YBEY: variants seen among roughly 807,000 people sequenced by gnomAD.
YBEY encodes the protein endoribonuclease YbeY.
YBEY carries 15 observed loss-of-function variants against 13.5 expected under a neutral mutation model. That is an observed-to-expected ratio of 1.11 (90% CI 0.75 to 1.72). YBEY has a LOEUF of 1.72. Ranked by LOEUF, YBEY falls within the 40% of genes most tolerant of loss-of-function variation. YBEY has a pLI of 0.00. For synonymous variants in YBEY, 101 were observed against 83.1 expected, an observed-to-expected ratio of 1.21 and a Z score of -1.17; for missense variants, 244 against 208.4, an observed-to-expected ratio of 1.17 and a Z score of -1.05.
At chr21:46,287,196 T>G in intron 2 of YBEY, 73 bp downstream of exon 2, 1 of 1,426,704 alleles carries the variant, frequency 7.0e-7, no homozygotes, top group Non-Finnish European at 9.4e-7. Context: ...TTGTTTTGTT[T>G]TGTTTTGTTT....
downstream of YBEY, among the ~76,000 whole-genome samples, chr21:46,302,739 C>T (rs377655709): frequency 6.8e-5 from 10 of 147,026 alleles, no homozygotes; most frequent in East Asian, 1.8e-3. Context: ...CCCCGGGGCG[C>T]GCCCTGAGCC....
chr21:46,311,379 G>A, the YBEY span: 10 of 818,478 alleles, frequency 1.2e-5, no homozygotes, highest in Admixed American at 2.6e-4. Context: ...CTAAGTGACT[G>A]TCCTGCTTCC....
chr21:46,302,938 G>A, the YBEY span, among the ~76,000 whole-genome samples: 3 of 147,394 alleles, frequency 2.0e-5, no homozygotes, highest in Non-Finnish European at 4.5e-5. Flanking sequence ...GCGGGTCCCC[G>A]GGGCGCGCCC....
chr21:46,291,812 C>A (rs1287374954), intron 3 of YBEY: 2 of 1,077,700 alleles, frequency 1.9e-6, no homozygotes, highest in Non-Finnish European at 2.3e-6. Context: ...CCACCACCTT[C>A]CAGATCTGTT....
downstream of YBEY, chr21:46,302,221 T>TAG: frequency 7.0e-7 from 1 of 1,431,976 alleles, no homozygotes; most frequent in Non-Finnish European, 9.1e-7. Context: ...TCCCGCCCTG[T>TAG]TCCTAACTGG....
intron 3 of YBEY, chr21:46,291,670 G>C: frequency 1.5e-6 from 2 of 1,345,730 alleles, no homozygotes; most frequent in Non-Finnish European, 1.9e-6. Context: ...AGAACACGCT[G>C]TGAAAACACA....
chr21:46,292,407 A>G (rs2081754130), intron 3 of YBEY, among the ~76,000 whole-genome samples: 2 of 152,216 alleles, frequency 1.3e-5, no homozygotes, highest in South Asian at 4.1e-4. Flanking sequence ...GCCCTTCACA[A>G]GCTTCACAGA....
At chr21:46,301,021 C>T (rs1358921884), downstream of YBEY, 17 of 988,530 alleles carry the variant, frequency 1.7e-5, no homozygotes, top group Non-Finnish European at 2.0e-5. Flanking sequence ...CTTTGCTTTA[C>T]AGGAACAAGA....
chr21:46,286,708 A>G, intron 1 of YBEY, 162 bp from the exon 2 acceptor site: 1 of 531,070 alleles, frequency 1.9e-6, no homozygotes, highest in Non-Finnish European at 3.3e-6. Flanking sequence ...GCATCCTTCC[A>G]TAGACCCTCG....
downstream of YBEY, chr21:46,302,142 C>T: frequency 6.7e-6 from 10 of 1,497,760 alleles, no homozygotes; most frequent in Non-Finnish European, 8.0e-6. Flanking sequence ...CTCGGGGGCA[C>T]ATGTGGCGGG....
At chr21:46,296,088 G>A in intron 3 of YBEY, 74 bp from the exon 4 acceptor site, 1 of 1,550,650 alleles carries the variant, frequency 6.4e-7, no homozygotes, top group East Asian at 2.2e-5. Context: ...AGCAGCCTGT[G>A]GCCCTGGGGT....
At chr21:46,287,218 C>T (rs796232218) in intron 2 of YBEY, 95 bp downstream of exon 2, 54 of 1,230,144 alleles carry the variant, frequency 4.4e-5, no homozygotes, top group African/African-American at 4.1e-4. Context: ...TTAATTGAGA[C>T]GGAGTCTTGC....
chr21:46,303,830 C>T, the YBEY span, among the ~76,000 whole-genome samples: 1 of 140,842 alleles, frequency 7.1e-6, no homozygotes, highest in Non-Finnish European at 1.5e-5. Context: ...CGACTCACTG[C>T]AAGCTCCGCC....
chr21:46,296,335 C>T (rs983289942), intron 4 of YBEY, 105 bp downstream of exon 4: 1 of 1,300,734 alleles, frequency 7.7e-7, no homozygotes, highest in East Asian at 2.3e-5. Context: ...CCCGCAGGAA[C>T]TGGACCTCAG....
the YBEY span, among the ~76,000 whole-genome samples, chr21:46,304,009 C>T: frequency 7.1e-6 from 1 of 141,578 alleles, no homozygotes; most frequent in African/African-American, 2.6e-5. Flanking sequence ...CCTTGGCTTC[C>T]CAAAGTGCTG....
downstream of YBEY, chr21:46,302,582 G>A (rs561145674): frequency 6.2e-7 from 1 of 1,608,392 alleles, no homozygotes; most frequent in East Asian, 2.2e-5. Context: ...CATGTCTGCA[G>A]GGAAGAAGCA....
At chr21:46,309,461 CA>C in the YBEY span, among the ~76,000 whole-genome samples, 9,219 of 90,188 alleles carry the variant, frequency 0.1, 338 homozygotes, top group Middle Eastern at 0.14. Context: ...GACTCCGTCT[CA>C]AAAAAAAAAA....
intron 4 of YBEY, 63 bp from the exon 5 acceptor site, chr21:46,297,476 A>G: frequency 7.7e-7 from 1 of 1,303,918 alleles, no homozygotes; most frequent in Non-Finnish European, 9.9e-7. Flanking sequence ...CGAGGAGGCG[A>G]CCCCAGAGAG....
chr21:46,291,508 G>C (rs953751619), intron 3 of YBEY, 46 bp downstream of exon 3: 1 of 1,607,722 alleles, frequency 6.2e-7, no homozygotes, highest in East Asian at 2.2e-5. Context: ...ATGGAACATG[G>C]GCCTTGCAAA....
Sources: allele counts gnomAD v4.1 joint callset (sites outside exome capture counted in the v4.1 genomes callset), GRCh38; gene constraint gnomAD v4.1.1; transcripts MANE v1.5; gene names NCBI Gene and HGNC (gene_info 2026-07-23, HGNC 2026-07-21).